Variants in ENTPD4 observed in about 807,000 individuals in gnomAD.
ENTPD4 encodes the protein Golgi UDPase.
ENTPD4 carries 60 observed loss-of-function variants against 79.1 expected under a neutral mutation model. The ratio of observed to expected loss-of-function variants is 0.76; its 90% confidence interval spans 0.62 to 0.94. The LOEUF is 0.94. ENTPD4 is among the 40% of genes least tolerant of loss of function. ENTPD4 has a pLI of 0.00. For missense variants in ENTPD4, 772 were observed against 775.1 expected (o/e 1.00, Z 0.05); for synonymous variants, 276 against 292.0 (o/e 0.95, Z 0.56).
chr8:23,447,965 C>T, intron 3 of ENTPD4, 80 bp from the exon 4 acceptor site: 4 of 1,135,468 alleles, frequency 3.5e-6, no homozygotes, highest in East Asian at 2.3e-5. Context: ...CAGCAAATAC[C>T]AAGTCAGTAA....
chr8:23,443,808 G>T, intron 6 of ENTPD4, 42 bp downstream of exon 6: 1 of 1,236,856 alleles, frequency 8.1e-7, no homozygotes, highest in Non-Finnish European at 1.2e-6. Context: ...GGATTTAAAG[G>T]AACAGCTTCC....
In ENTPD4 at chr8:23,432,306, C is replaced by T. The variant is rs948914570; in HGVS notation, c.*620G>A. On this transcript the variant is annotated 3_prime_UTR_variant, in exon 13 of 13. Transcript: ENST00000358689. ...TCTCCACTGACAGAATGCATCTTTC[C>T]ACCTCCCTCCAGTATCAAAGTGCAT... 7 of 985,220 alleles carry T rather than the reference C, an allele frequency of 7.1e-6. No homozygotes were observed. The highest frequency in any genetic ancestry group is 1.7e-5 in the African/African-American group (1 of 57,180). 61.0% of individuals were successfully genotyped at this position (985,220 alleles called of 1,614,324 possible). A position where few individuals can be genotyped will look rare whatever the true frequency, so the allele number is the denominator to read the frequency against.
At chr8:23,442,307 C>A (rs545034934) in intron 6 of ENTPD4, among the ~76,000 whole-genome samples, 2 of 152,148 alleles carry the variant, frequency 1.3e-5, no homozygotes, top group Non-Finnish European at 2.9e-5. Flanking sequence ...ACGCTAGGTG[C>A]CAGTTTTCTT....
chr8:23,441,726 A>T lies in ENTPD4; in HGVS notation c.728-3T>A, dbSNP rs1256978693. The T allele has an allele frequency of 6.2e-7, 1 of 1,613,620 alleles. No homozygotes were observed. The highest frequency in any genetic ancestry group is 1.7e-5 in the Admixed American group (1 of 60,004). On this transcript the variant is annotated splice_polypyrimidine_tract_variant and splice_region_variant and intron_variant, in intron 7 of 12. Coordinates refer to ENST00000358689, the MANE Select transcript of ENTPD4 (RefSeq NM_004901.5). Reference sequence around the variant, plus strand: ...AACTTCCACAACGGCCTCATCATCTAGAAAGAACAGAAAGTGTTCACTGGA... The same window carrying T: ...AACTTCCACAACGGCCTCATCATCTTGAAAGAACAGAAAGTGTTCACTGGA...
At position 23,436,980 on chromosome 8, in the gene ENTPD4, C is replaced by T. The variant is rs1442363012; in HGVS notation, c.1328G>A (p.Arg443Gln). ...AGCAGCATTGTAGTCTCCCCCCATT[C>T]GTAACACATCCTCGGTGCAGTAGTA... ...EFYYCTEDVL[R>Q]MGGDYNAAKF... The change falls in exon 10 of 13, where the codon CGA becomes CAA. Residue 443 changes from arginine (R) to glutamine (Q), a missense_variant. Physicochemically the swap from Arg to Gln is conservative, Grantham distance 43. Coordinates refer to ENST00000358689, the MANE Select transcript of ENTPD4 (RefSeq NM_004901.5). 2 of 1,612,050 alleles carry T rather than the reference C, an allele frequency of 1.2e-6. No individual in the cohort carries two copies. Among genetic ancestry groups the T allele is most frequent in the East Asian group, 4.5e-5 (2 of 44,858 alleles).
Position 23,446,307 on chromosome 8 carries a change from T to G in ENTPD4, c.412+1373A>C, listed in dbSNP as rs527250621. Among the ~76,000 whole-genome samples the G allele has an allele frequency of 3.3e-5, 5 of 152,330 alleles. No homozygotes were observed. The East Asian group carries it at 9.6e-4, about 29-fold the overall frequency. ...CAAGGCATGGAAGTTTTCATCTTAT[T>G]CCATGAGATCTGTTTAGTCACTGAT... On this transcript the variant is annotated intron_variant, in intron 4 of 12. Transcript: ENST00000358689.
chr8:23,434,459 C>A lies in ENTPD4; in HGVS notation c.1480G>T (p.Ala494Ser), dbSNP rs770887170. ...HRLKYQCFKS[A>S]WMFEVFHRGF... is the part of the protein sequence containing the mutation. Reference sequence around the variant, plus strand: ...CTATGAAACACCTCAAACATCCAGGCCGATTTGAAGCACTGATACCTACAA... The same window carrying A: ...CTATGAAACACCTCAAACATCCAGGACGATTTGAAGCACTGATACCTACAA... The change falls in exon 12 of 13, where the codon GCC (alanine) becomes TCC (serine). Residue 494 changes from alanine (A) to serine (S), a missense_variant. Ala to Ser is a moderately conservative substitution (Grantham distance 99). Transcript: ENST00000358689. 1.9e-6 allele frequency: 3 copies of A among 1,614,112 alleles called. No homozygotes were observed. The South Asian group carries it at 3.3e-5, about 18-fold the overall frequency.
chr8:23,447,924 G>C (rs1188048915), intron 3 of ENTPD4, 39 bp from the exon 4 acceptor site: 1 of 1,533,084 alleles, frequency 6.5e-7, no homozygotes, highest in Non-Finnish European at 9.0e-7. Context: ...TTTAGACAAA[G>C]AATATCACCT....
chr8:23,439,839 A>T lies in ENTPD4; in HGVS notation c.959T>A (p.Val320Asp). Residue 320 changes from valine to aspartate, a missense_variant, in exon 9 of 13, where the codon GTC (valine) becomes GAC (aspartate). Transcript: ENST00000358689. ...DVHQTEHVYR[V>D]YVATFLGFGG... The stretch of plus-strand genomic sequence containing the variant: ...AAACCCAAGAAACGTGGCCACATAG[A>T]CTCGATACACATGCTCAGTTTGGTG... 2 of 1,614,026 alleles carry T rather than the reference A, an allele frequency of 1.2e-6. No individual in the cohort carries two copies. Among genetic ancestry groups the T allele is most frequent in the Non-Finnish European group, 1.7e-6 (2 of 1,179,960 alleles).
chr8:23,435,001 C>A (rs1399012773), intron 11 of ENTPD4, among the ~76,000 whole-genome samples: 1 of 152,058 alleles, frequency 6.6e-6, no homozygotes, highest in African/African-American at 2.4e-5. Context: ...TTTTAAAAAG[C>A]AACAGAAAAA....
intron 5 of ENTPD4, among the ~76,000 whole-genome samples, 188 bp from the exon 6 acceptor site, chr8:23,444,141 C>G (rs558344592): frequency 3.8e-4 from 47 of 122,932 alleles, no homozygotes; most frequent in African/African-American, 1.7e-3. Flanking sequence ...TCAAAATGAA[C>G]AAGTTGTGTG....
rs1800985417 is a variant in ENTPD4, at chr8:23,457,610, A to G, written c.-151T>C. 1 of 151,666 alleles carries G rather than the reference A, an allele frequency of 6.6e-6. No individual in the cohort carries two copies. Among genetic ancestry groups the G allele is most frequent in the South Asian group, 2.1e-4 (1 of 4,822 alleles). 9.4% of individuals were successfully genotyped at this position (151,666 alleles called of 1,614,324 possible). ...CGGGGGACCACCAGTGGGCAGCATC[A>G]CGGCCAGCCGGCTTCCTGGAGGCCG... is the stretch of plus-strand genomic sequence containing the variant. On this transcript the variant is annotated 5_prime_UTR_variant, in exon 1 of 13. Transcript: ENST00000358689.
Position 23,435,459 on chromosome 8 carries a change from A to G in ENTPD4, c.1393T>C (p.Trp465Arg). Residue 465 changes from tryptophan to arginine, a missense_variant, in exon 11 of 13, where the codon TGG (tryptophan) becomes CGG (arginine). Transcript: ENST00000358689. The part of the protein sequence containing the change: ...KAAKDYCATK[W>R]SILRERFDRG... ...TCAAAGCGTTCCCGCAAAATGGACCACTTTGTTGCACAATAATCCTGAAAA... is the reference window on the plus strand; with the variant it reads ...TCAAAGCGTTCCCGCAAAATGGACCGCTTTGTTGCACAATAATCCTGAAAA... The G allele has an allele frequency of 6.2e-7, 1 of 1,613,966 alleles. No homozygotes were observed. Among genetic ancestry groups the G allele is most frequent in the Non-Finnish European group, 8.5e-7 (1 of 1,179,814 alleles).
chr8:23,456,747 G>T (rs1321751094), intron 1 of ENTPD4, among the ~76,000 whole-genome samples: 1 of 152,144 alleles, frequency 6.6e-6, no homozygotes, highest in East Asian at 1.9e-4. Flanking sequence ...AACTCTTTTA[G>T]GCCTCTCTAA....
intron 1 of ENTPD4, among the ~76,000 whole-genome samples, chr8:23,452,264 T>C (rs1371328037): frequency 6.6e-6 from 1 of 152,188 alleles, no homozygotes; most frequent in Non-Finnish European, 1.5e-5. Flanking sequence ...TTGCAGACCC[T>C]AGGAAAGGGA....
intron 10 of ENTPD4, among the ~76,000 whole-genome samples, chr8:23,436,327 A>G (rs1800559609): frequency 6.6e-6 from 1 of 152,170 alleles, no homozygotes; most frequent in African/African-American, 2.4e-5. Flanking sequence ...CATGACTCCT[A>G]GGCTGCAGGG....
At chr8:23,444,634 A>C (rs1051792757) in intron 4 of ENTPD4, 28 bp from the exon 5 acceptor site, 6 of 1,607,156 alleles carry the variant, frequency 3.7e-6, no homozygotes, top group Non-Finnish European at 4.3e-6. Flanking sequence ...TTTAGTTAAG[A>C]AGCAGATATT....
chr8:23,446,584 T>TA (rs1179912970), intron 4 of ENTPD4, among the ~76,000 whole-genome samples: 1 of 152,232 alleles, frequency 6.6e-6, no homozygotes, highest in Non-Finnish European at 1.5e-5. Flanking sequence ...TGTCTCTCTT[T>TA]AACCTGAAAA....
Position 23,431,008 on chromosome 8 carries a change from G to A in ENTPD4, c.*1918C>T, listed in dbSNP as rs1484343369. ...TGGGTCCCCAGGCTGCTGGTAACAC[G>A]CTTTGAAATCCAGGTGAGGGAGCCA... On this transcript the variant is annotated 3_prime_UTR_variant, in exon 13 of 13. Coordinates refer to ENST00000358689, the MANE Select transcript of ENTPD4 (RefSeq NM_004901.5). 43 of 980,506 alleles carry A rather than the reference G, an allele frequency of 4.4e-5. No homozygotes were observed. Among genetic ancestry groups the A allele is most frequent in the Middle Eastern group, 5.2e-4 (1 of 1,924 alleles). The allele number at this position is 980,506 out of a possible 1,614,324, so 60.7% of individuals were successfully genotyped here.
Sources: allele counts gnomAD v4.1 joint callset (sites outside exome capture counted in the v4.1 genomes callset), GRCh38; gene constraint gnomAD v4.1.1; transcripts MANE v1.5; gene names NCBI Gene and HGNC (gene_info 2026-07-23, HGNC 2026-07-21).